Variants in ZBTB1 observed in about 807,000 individuals in gnomAD.
ZBTB1 encodes zinc finger and BTB domain-containing protein 1.
A neutral mutation model predicts 51.6 loss-of-function variants in ZBTB1; 13 were observed. The ratio of observed to expected loss-of-function variants is 0.25; its 90% confidence interval spans 0.16 to 0.40. ZBTB1 has a LOEUF of 0.40. Among genes scored for constraint, ZBTB1 ranks in the 10% least tolerant of loss-of-function variants. The pLI is 1.00. For synonymous variants in ZBTB1, 240 were observed against 282.2 expected (o/e 0.85, Z 1.50); for missense variants, 567 against 856.5 (o/e 0.66, Z 4.22).
chr14:64,520,096 G>T (rs1225173527), intron 1 of ZBTB1, among the ~76,000 whole-genome samples: 3 of 152,080 alleles, frequency 2.0e-5, no homozygotes, highest in African/African-American at 7.2e-5. Flanking sequence ...CCGCCTCCCA[G>T]GTTCATGCCA....
At chr14:64,527,988 G>A (rs1025235377), downstream of ZBTB1, among the ~76,000 whole-genome samples, 1 of 152,102 alleles carries the variant, frequency 6.6e-6, no homozygotes, top group Non-Finnish European at 1.5e-5. Context: ...AAGTAATGAT[G>A]AGAGAGGAAA....
exon 3 of ZBTB1, chr14:64,532,673 A>G (rs867224657): frequency 2.6e-5 from 4 of 152,154 alleles, no homozygotes; most frequent in African/African-American, 4.8e-5. Context: ...ATAAGGCAGA[A>G]TAAGTTTCTG....
Position 64,523,817 on chromosome 14 carries a change from A to C in ZBTB1, c.*171A>C. ...TTTTAAGTATCTACATTTAGGTATT[A>C]AATGTTTATCATTTTTGTTGTTTCT... is the stretch of plus-strand genomic sequence containing the variant. On this transcript the variant is annotated 3_prime_UTR_variant, in exon 2 of 2. Coordinates refer to ENST00000683701, the MANE Select transcript of ZBTB1 (RefSeq NM_001123329.2). The surrounding 1 kb of genome is among the most constrained non-coding windows in gnomAD (Gnocchi z 4.5). The C allele has an allele frequency of 7.7e-7, 1 of 1,298,054 alleles. No homozygotes were observed. The highest frequency in any genetic ancestry group is 2.6e-5 in the South Asian group (1 of 38,664). The allele number at this position is 1,298,054 out of a possible 1,614,324, so 80.4% of individuals were successfully genotyped here.
At chr14:64,506,976 T>C (rs1050774995) in intron 1 of ZBTB1, among the ~76,000 whole-genome samples, 10 of 152,238 alleles carry the variant, frequency 6.6e-5, no homozygotes, top group African/African-American at 1.2e-4. Flanking sequence ...GGGGAAGATA[T>C]AGTTCATCGA....
At chr14:64,513,138 A>G (rs1352469062) in intron 1 of ZBTB1, among the ~76,000 whole-genome samples, 1 of 152,200 alleles carries the variant, frequency 6.6e-6, no homozygotes, top group Non-Finnish European at 1.5e-5. Context: ...ATATATGGAT[A>G]CATACACAGA....
chr14:64,531,564 TCCTC>T (rs1297166267), intron 2 of ZBTB1, among the ~76,000 whole-genome samples: 1 of 152,338 alleles, frequency 6.6e-6, no homozygotes, highest in African/African-American at 2.4e-5. Flanking sequence ...ACTGCTTCCT[TCCTC>T]CCTACTTTCC....
intron 1 of ZBTB1, among the ~76,000 whole-genome samples, chr14:64,510,144 C>CA (rs2079709817): frequency 6.6e-6 from 1 of 152,174 alleles, no homozygotes; most frequent in Admixed American, 6.6e-5. Context: ...AAGTTGCTCA[C>CA]AATCTCATGG....
chr14:64,525,600 G>A (rs1566637507), downstream of ZBTB1, among the ~76,000 whole-genome samples: 1 of 152,074 alleles, frequency 6.6e-6, no homozygotes, highest in Admixed American at 6.6e-5. Flanking sequence ...TTTTCTTGCA[G>A]TGGCTTTCCC....
rs374537934 is a variant in ZBTB1 at position 64,531,809 on chromosome 14, A to C, written c.1899-52A>C. 2.5e-6 allele frequency: 4 copies of C among 1,607,152 alleles called. No individual in the cohort carries two copies. The African/African-American group carries it at 4.0e-5, about 16-fold the overall frequency. Reference sequence around the variant, plus strand: ...AGAATTATGTTGTATCTTGTAGAGCAGTCAACTTGTAATATTATTTTTCTT... The same window carrying C: ...AGAATTATGTTGTATCTTGTAGAGCCGTCAACTTGTAATATTATTTTTCTT... On this transcript the variant is annotated intron_variant, in intron 2 of 2. Transcript: ENST00000358738.
At position 64,521,702 on chromosome 14, in the gene ZBTB1, C is replaced by T; in HGVS notation, c.198C>T (p.Ser66=). The T allele has an allele frequency of 6.2e-7, 1 of 1,614,074 alleles. No homozygotes were observed. Among genetic ancestry groups the T allele is most frequent in the Non-Finnish European group, 8.5e-7 (1 of 1,180,046 alleles). The change falls in exon 2 of 2, where the codon AGC becomes AGT. Residue 66 remains serine (S), a synonymous_variant. Transcript: ENST00000683701. The part of the protein sequence containing the change: ...HQHSTAQLNL[S]NMKISAECFD... ...ATAGTACTGCACAACTGAATCTCAG[C>T]AACATGAAAATTAGTGCAGAATGTT...
intron 1 of ZBTB1, chr14:64,514,326 A>G (rs1284202308): frequency 6.6e-6 from 1 of 152,228 alleles, no homozygotes; most frequent in Non-Finnish European, 1.5e-5. Flanking sequence ...TAGGCTCTCT[A>G]GACTTTCACT....
upstream of ZBTB1, chr14:64,503,732 G>C: frequency 2.0e-6 from 1 of 507,082 alleles, no homozygotes; most frequent in Non-Finnish European, 2.5e-6. Context: ...CGCACTGCAA[G>C]CAGTGGCGCC....
chr14:64,504,891 G>C lies in ZBTB1; in HGVS notation c.-74G>C, dbSNP rs1187281914. 13 of 396,710 alleles carry C rather than the reference G, an allele frequency of 3.3e-5. No homozygotes were observed. The highest frequency in any genetic ancestry group is 4.9e-5 in the Non-Finnish European group (11 of 224,722). 24.6% of individuals were successfully genotyped at this position (396,710 alleles called of 1,614,324 possible). ...TTCGCCTTCGCCCGCCTTTCCCGCG[G>C]CTGATTTGCCTTAAACTCCCTAAAA... On this transcript the variant is annotated 5_prime_UTR_variant, in exon 1 of 2. Coordinates refer to ENST00000683701, the MANE Select transcript of ZBTB1 (RefSeq NM_001123329.2).
chr14:64,519,890 A>C (rs183109717), intron 1 of ZBTB1, among the ~76,000 whole-genome samples: 1 of 152,182 alleles, frequency 6.6e-6, no homozygotes, highest in Non-Finnish European at 1.5e-5. Context: ...CATGAGACAC[A>C]TTCTAACTCT....
At position 64,524,571 on chromosome 14, in the gene ZBTB1, C is replaced by T. The variant is rs553885367; in HGVS notation, c.*925C>T. 10 of 982,938 alleles carry T rather than the reference C, an allele frequency of 1.0e-5. No individual in the cohort carries two copies. Among genetic ancestry groups the T allele is most frequent in the East Asian group, 1.1e-4 (1 of 8,810 alleles). The allele number at this position is 982,938 out of a possible 1,614,324, so 60.9% of individuals were successfully genotyped here. On this transcript the variant is annotated 3_prime_UTR_variant, in exon 2 of 2. Coordinates refer to ENST00000683701, the MANE Select transcript of ZBTB1 (RefSeq NM_001123329.2). ...AAAAGATGATTTTTTACAATACATACTTCTGGAACTTTGAGATTTGAGAAA... is the reference window on the plus strand; with the variant it reads ...AAAAGATGATTTTTTACAATACATATTTCTGGAACTTTGAGATTTGAGAAA...
rs1167705351 is a variant in ZBTB1 at position 64,523,551 on chromosome 14, G to A, written c.2047G>A (p.Val683Ile). ...NNEQLEQHMD[V>I]HLYTCGICGA... ...TGAACAGTTGGAGCAGCACATGGAT[G>A]TTCATCTGTATACATGTGGAATATG... is the stretch of plus-strand genomic sequence containing the variant. Residue 683 changes from valine (V) to isoleucine (I), a missense_variant, in exon 2 of 2, where the codon GTT becomes ATT. Transcript: ENST00000683701. This position sits in a 1 kb window ranked among gnomAD's most constrained non-coding sequence, Gnocchi z 4.5. 1 of 1,568,998 alleles carries A rather than the reference G, an allele frequency of 6.4e-7. No individual in the cohort carries two copies. The highest frequency in any genetic ancestry group is 8.6e-7 in the Non-Finnish European group (1 of 1,156,354).
intron 1 of ZBTB1, among the ~76,000 whole-genome samples, chr14:64,508,211 C>CT (rs1418820015): frequency 1.3e-5 from 2 of 152,164 alleles, no homozygotes; most frequent in Admixed American, 6.5e-5. Context: ...TTATACTACT[C>CT]TGTCTTTGAA....
chr14:64,510,133 A>G (rs1346450748), intron 1 of ZBTB1, among the ~76,000 whole-genome samples: 1 of 152,228 alleles, frequency 6.6e-6, no homozygotes, highest in African/African-American at 2.4e-5. Context: ...TCCTCGCCTT[A>G]AAGTTGCTCA....
rs147996028 is a variant in ZBTB1 at position 64,514,553 on chromosome 14, C to T, written c.-18-6934C>T. ...AACTGTTATTTCCAATTTGAGAGAT[C>T]TAGCAATGGAGGAAAAATATTTCTG... On this transcript the variant is annotated intron_variant, in intron 1 of 1. Coordinates refer to ENST00000683701, the MANE Select transcript of ZBTB1 (RefSeq NM_001123329.2). 3.5e-3 allele frequency among the ~76,000 whole-genome samples: 535 copies of T among 152,308 alleles called. 1 individual carries two copies. The highest frequency in any genetic ancestry group is 0.011 in the Admixed American group (170 of 15,300).
Sources: allele counts gnomAD v4.1 joint callset (sites outside exome capture counted in the v4.1 genomes callset), GRCh38; gene constraint gnomAD v4.1.1; non-coding constraint Gnocchi (gnomAD v3.1); transcripts MANE v1.5; gene names NCBI Gene and HGNC (gene_info 2026-07-23, HGNC 2026-07-21).